PELO: variants seen among roughly 807,000 people sequenced by gnomAD.
PELO encodes protein pelota homolog.
A neutral mutation model predicts 25.9 loss-of-function variants in PELO; 19 were observed. The ratio of observed to expected loss-of-function variants is 0.73; its 90% CI spans 0.51 to 1.08. The LOEUF (loss-of-function observed/expected upper bound fraction) is 1.08, where lower values mean the gene tolerates loss of function less well. PELO is among the 50% of genes least tolerant of loss of function. PELO has a pLI of 0.00. For synonymous variants in PELO, 196 were observed against 192.2 expected, an observed-to-expected ratio of 1.02 and a Z score of -0.16; for missense variants, 498 against 491.4, an observed-to-expected ratio of 1.01 and a Z score of -0.13.
rs1019823305 is a variant in PELO at position 52,802,425 on chromosome 5, T to C, written c.*585T>C. On this transcript the variant is annotated 3_prime_UTR_variant, in exon 3 of 3. Transcript: ENST00000274311. ...CTTCAAAGGCTTGTTAAACCAATCATGTTAAAAGGAAATTCTTGGTTTTGG... is the reference window on the plus strand; with the variant it reads ...CTTCAAAGGCTTGTTAAACCAATCACGTTAAAAGGAAATTCTTGGTTTTGG... The C allele has an allele frequency of 3.3e-5, 5 of 152,218 alleles. No homozygotes were observed. The highest frequency in any genetic ancestry group is 1.3e-4 in the Admixed American group (2 of 15,280). 9.4% of individuals were successfully genotyped at this position (152,218 alleles called of 1,614,324 possible).
At chr5:52,799,582 A>G (rs954873511) in intron 1 of PELO, among the ~76,000 whole-genome samples, 1 of 152,236 alleles carries the variant, frequency 6.6e-6, no homozygotes, top group African/African-American at 2.4e-5. Context: ...GATCGTGCAG[A>G]CACGGTAACT....
At chr5:52,788,977 T>C (rs1272471150) in intron 1 of PELO, among the ~76,000 whole-genome samples, 1 of 152,194 alleles carries the variant, frequency 6.6e-6, no homozygotes, top group East Asian at 1.9e-4. Flanking sequence ...GGAGGGATAT[T>C]TTGAAACGTA....
In PELO at chr5:52,801,436, TC is replaced by T; in HGVS notation, c.757del (p.Leu253Ter). On this transcript the variant is annotated frameshift_variant, in exon 3 of 3. Transcript: ENST00000274311. LOFTEE classifies it high-confidence loss of function. Reference sequence around the variant, plus strand: ...ACATGCCTCCTCCGGACACAAGTACTCCCTGAAAGAGGCCCTTTGTGACCCT... The same window carrying T: ...ACATGCCTCCTCCGGACACAAGTACTCCTGAAAGAGGCCCTTTGTGACCCT... ...QVHASSGHKYSLKEALCDPTV... is the reference protein window; with the variant it reads ...QVHASSGHKYXLKEALCDPTV... The T allele has an allele frequency of 6.2e-7, 1 of 1,613,932 alleles. No homozygotes were observed. The highest frequency in any genetic ancestry group is 8.5e-7 in the Non-Finnish European group (1 of 1,179,856).
At chr5:52,791,861 T>C (rs1449412218) in intron 1 of PELO, among the ~76,000 whole-genome samples, 2 of 152,212 alleles carry the variant, frequency 1.3e-5, no homozygotes, top group Non-Finnish European at 2.9e-5. Flanking sequence ...ATTTCATTTG[T>C]CCAAAGTTGA....
At chr5:52,790,615 A>G (rs933501435) in intron 1 of PELO, among the ~76,000 whole-genome samples, 11 of 152,176 alleles carry the variant, frequency 7.2e-5, no homozygotes, top group African/African-American at 2.4e-4. Context: ...ATCTTCCCCC[A>G]TGACTCTGCT....
At chr5:52,799,178 CTTTTG>C (rs1748403493) in intron 1 of PELO, among the ~76,000 whole-genome samples, 1 of 152,136 alleles carries the variant, frequency 6.6e-6, no homozygotes, top group Admixed American at 6.5e-5. Flanking sequence ...CTTTTAGATT[CTTTTG>C]TTTTTTCTAT....
At position 52,801,476 on chromosome 5, in the gene PELO, G is replaced by A. The variant is rs1258957351; in HGVS notation, c.794G>A (p.Arg265His). Residue 265 changes from arginine (R) to histidine (H), a missense_variant, in exon 3 of 3, where the codon CGC (arginine) becomes CAC (histidine). By Grantham distance (29) the Arg-to-His change is conservative (BLOSUM62 0). Coordinates refer to ENST00000274311, the MANE Select transcript of PELO (RefSeq NM_015946.5). ...CTTTGTGACCCTACTGTGGCTAGCC[G>A]CCTTTCAGACACTAAAGCTGCTGGG... The part of the protein sequence containing the change: ...EALCDPTVAS[R>H]LSDTKAAGEV... 1.1e-5 allele frequency: 17 copies of A among 1,613,862 alleles called. No individual in the cohort carries two copies. The Admixed American group carries it at 2.8e-4, about 27-fold the overall frequency.
intron 1 of PELO, among the ~76,000 whole-genome samples, chr5:52,791,269 G>A (rs963903394): frequency 1.3e-5 from 2 of 152,154 alleles, no homozygotes; most frequent in African/African-American, 4.8e-5. Context: ...AGAGGGTGGA[G>A]CATCTAGCGC....
chr5:52,790,616 T>C (rs1748219555), intron 1 of PELO, among the ~76,000 whole-genome samples: 1 of 152,242 alleles, frequency 6.6e-6, no homozygotes, highest in East Asian at 1.9e-4. Context: ...TCTTCCCCCA[T>C]GACTCTGCTT....
intron 1 of PELO, among the ~76,000 whole-genome samples, chr5:52,793,548 GT>G (rs1398192062): frequency 6.6e-6 from 1 of 152,054 alleles, no homozygotes; most frequent in Non-Finnish European, 1.5e-5. Context: ...TTGGGAAAAT[GT>G]GCGTCTGAAA....
chr5:52,788,275 C>CA lies in PELO; in HGVS notation c.-649dup. Reference sequence around the variant, plus strand: ...AACCGCGGCAGCGGGATAAGTGGCCCAGCCAGAGAGCGCAGCTCCCGCGCC... The same window carrying CA: ...AACCGCGGCAGCGGGATAAGTGGCCCAAGCCAGAGAGCGCAGCTCCCGCGCC... On this transcript the variant is annotated 5_prime_UTR_variant, in exon 1 of 3. Coordinates refer to ENST00000274311, the MANE Select transcript of PELO (RefSeq NM_015946.5). 3 of 1,170,052 alleles carry CA rather than the reference C, an allele frequency of 2.6e-6. No individual in the cohort carries two copies. The highest frequency in any genetic ancestry group is 1.7e-5 in the South Asian group (1 of 58,168). The allele number at this position is 1,170,052 out of a possible 1,614,324, so 72.5% of individuals were successfully genotyped here.
At chr5:52,790,463 A>G (rs551246100) in intron 1 of PELO, among the ~76,000 whole-genome samples, 155 of 152,332 alleles carry the variant, frequency 1.0e-3, no homozygotes, top group African/African-American at 3.7e-3. Flanking sequence ...GGCTAGAATC[A>G]AGATGTCACC....
At chr5:52,793,694 A>T (rs1748285478) in intron 1 of PELO, among the ~76,000 whole-genome samples, 1 of 152,022 alleles carries the variant, frequency 6.6e-6, no homozygotes, top group South Asian at 2.1e-4. Flanking sequence ...GAGATATAAC[A>T]TTGTTCCTCT....
intron 1 of PELO, among the ~76,000 whole-genome samples, chr5:52,798,169 T>C (rs1292918747): frequency 1.3e-5 from 2 of 152,346 alleles, no homozygotes; most frequent in Admixed American, 1.3e-4. Flanking sequence ...GTGTGATTAG[T>C]TCTTTGCTTA....
chr5:52,803,076 T>C lies in PELO; in HGVS notation c.*1236T>C, dbSNP rs946996935. 1 of 152,248 alleles carries C rather than the reference T, an allele frequency of 6.6e-6. No individual in the cohort carries two copies. Among genetic ancestry groups the C allele is most frequent in the African/African-American group, 2.4e-5 (1 of 41,466 alleles). 9.4% of individuals were successfully genotyped at this position (152,248 alleles called of 1,614,324 possible). A position where few individuals can be genotyped will look rare whatever the true frequency, so the allele number is the denominator to read the frequency against. ...TAGTGATGATACAGTTTTTAACTGC[T>C]GGATCAGCGACGCCTATTTCAAGTA... On this transcript the variant is annotated 3_prime_UTR_variant, in exon 3 of 3. Transcript: ENST00000274311.
intron 1 of PELO, among the ~76,000 whole-genome samples, chr5:52,798,761 G>T (rs1346554959): frequency 6.6e-6 from 1 of 152,148 alleles, no homozygotes. Flanking sequence ...GACTGTACCT[G>T]AAAACAGAAG....
intron 1 of PELO, among the ~76,000 whole-genome samples, chr5:52,789,893 A>G (rs1471567021): frequency 6.6e-6 from 1 of 152,230 alleles, no homozygotes; most frequent in Non-Finnish European, 1.5e-5. Context: ...GTAACAGAGA[A>G]GTTTAACAAG....
Position 52,800,678 on chromosome 5 carries a change from A to G in PELO, c.284A>G (p.Lys95Arg), listed in dbSNP as rs747488089. 1.2e-5 allele frequency: 19 copies of G among 1,614,066 alleles called. No individual in the cohort carries two copies. In the South Asian group the frequency reaches 1.6e-4, roughly 14 times the overall value. ...AACATCCAAGAGAATGAGTATGTCA[A>G]GATGGGGGCTTACCACACCATCGAG... Reference protein sequence around the residue: ...GTNIQENEYVKMGAYHTIELE... With the variant: ...GTNIQENEYVRMGAYHTIELE... The change falls in exon 2 of 3, where the codon AAG becomes AGG. Residue 95 changes from lysine to arginine, a missense_variant. Transcript: ENST00000274311.
In PELO at chr5:52,788,405, C is replaced by T; in HGVS notation, c.-520C>T. 6.6e-7 allele frequency: 1 copy of T among 1,513,148 alleles called. No homozygotes were observed. The highest frequency in any genetic ancestry group is 1.2e-5 in the South Asian group (1 of 81,162). 93.7% of individuals were successfully genotyped at this position (1,513,148 alleles called of 1,614,324 possible). A position where few individuals can be genotyped will look rare whatever the true frequency, so the allele number is the denominator to read the frequency against. ...AGGGGTCGCTGTCGCCTGCTGCTGG[C>T]TCCTCACTGGTGAGCGACTCGCTTT... On this transcript the variant is annotated 5_prime_UTR_variant, in exon 1 of 3. Coordinates refer to ENST00000274311, the MANE Select transcript of PELO (RefSeq NM_015946.5).
Sources: allele counts gnomAD v4.1 joint callset (sites outside exome capture counted in the v4.1 genomes callset), GRCh38; gene constraint gnomAD v4.1.1; transcripts MANE v1.5; gene names NCBI Gene and HGNC (gene_info 2026-07-23, HGNC 2026-07-21).